Variants in DENND2D observed in about 807,000 individuals in gnomAD.
DENND2D encodes the protein DENN domain containing 2D.
A neutral mutation model predicts 59.8 loss-of-function variants in DENND2D; 37 were observed. The ratio of observed to expected loss-of-function variants is 0.62; its 90% CI spans 0.48 to 0.81. The LOEUF is 0.81. Ranked by LOEUF, DENND2D falls within the 40% of genes least tolerant of loss-of-function variation. The pLI is 0.00. For synonymous variants in DENND2D, 219 were observed against 211.3 expected (o/e 1.04, Z -0.31); for missense variants, 525 against 579.7 (o/e 0.91, Z 0.97).
Position 111,197,334 on chromosome 1 carries a change from C to T in DENND2D, c.427-81G>A, listed in dbSNP as rs1658339045. The stretch of plus-strand genomic sequence containing the variant: ...CAACTGGGTATGAAGGAGCACAAGG[C>T]TGAGGGCTGGGGAGGGGGATTTATG... On this transcript the variant is annotated intron_variant, in intron 4 of 11. Coordinates refer to ENST00000357640, the MANE Select transcript of DENND2D (RefSeq NM_024901.5). 1.6e-5 allele frequency: 24 copies of T among 1,548,356 alleles called. No individual in the cohort carries two copies. In the South Asian group the frequency reaches 2.2e-4, roughly 14 times the overall value.
Position 111,188,368 on chromosome 1 carries a change from C to A in DENND2D, c.1102G>T (p.Ala368Ser), listed in dbSNP as rs1214200821. 1 of 1,613,250 alleles carries A rather than the reference C, an allele frequency of 6.2e-7. No homozygotes were observed. The highest frequency in any genetic ancestry group is 8.5e-7 in the Non-Finnish European group (1 of 1,179,740). Residue 368 changes from alanine to serine, a missense_variant and splice_region_variant, in exon 11 of 12, where the codon GCA becomes TCA. By Grantham distance (99) the Ala-to-Ser change is moderately conservative (BLOSUM62 1). Coordinates refer to ENST00000357640, the MANE Select transcript of DENND2D (RefSeq NM_024901.5). Reference sequence around the variant, plus strand: ...GAAACATGCTCGTTGATTTGTTCTGCAGCTGCAGGAGATATAAAGGCCATC... The same window carrying A: ...GAAACATGCTCGTTGATTTGTTCTGAAGCTGCAGGAGATATAAAGGCCATC... ...LGQGINELKTAEQINEHVSGP... is the reference protein window; with the variant it reads ...LGQGINELKTSEQINEHVSGP...
In DENND2D at chr1:111,194,685, A is replaced by G. The variant is rs747638668; in HGVS notation, c.687T>C (p.His229=). The part of the protein sequence containing the change: ...LTRPLDSHLE[H]VDFSSLLHCL... ...AGTGCAATAGAGAACTAAAATCCAC[A>G]TGTTCTAGGTGGGAGTCCAGGGGCC... The change falls in exon 7 of 12, where the codon CAT becomes CAC. Residue 229 remains histidine, a synonymous_variant. Transcript: ENST00000357640. The G allele has an allele frequency of 5.6e-6, 9 of 1,613,766 alleles. No homozygotes were observed. The Admixed American group carries it at 1.5e-4, about 27-fold the overall frequency.
intron 4 of DENND2D, 160 bp from the exon 5 acceptor site, chr1:111,197,413 A>G (rs1658347089): frequency 4.1e-6 from 6 of 1,454,328 alleles, no homozygotes; most frequent in Admixed American, 5.0e-5. Flanking sequence ...TCAAAAGAAG[A>G]AATCCTTGAG....
intron 4 of DENND2D, chr1:111,197,538 A>G (rs1465318632): frequency 7.2e-7 from 1 of 1,380,996 alleles, no homozygotes; most frequent in East Asian, 2.7e-5. Flanking sequence ...TAAGGAGGAA[A>G]GCACTGTAAA....
intron 1 of DENND2D, 127 bp from the exon 2 acceptor site, chr1:111,199,925 G>T: frequency 8.2e-7 from 1 of 1,216,432 alleles, no homozygotes; most frequent in Non-Finnish European, 1.1e-6. Flanking sequence ...CTGGATACTG[G>T]CCAGAACCAC....
upstream of DENND2D, chr1:111,200,993 A>G (rs1327994671): frequency 6.2e-6 from 1 of 160,152 alleles, no homozygotes; most frequent in Admixed American, 5.8e-5. Flanking sequence ...GGTCAACGGA[A>G]GTCAAAAACC....
chr1:111,201,086 A>T (rs1571204161), upstream of DENND2D: 1 of 155,588 alleles, frequency 6.4e-6, no homozygotes, highest in Middle Eastern at 3.4e-3. Flanking sequence ...TGCAGCCAGG[A>T]TGTCACTGCC....
chr1:111,193,684 G>T (rs1437992814), intron 7 of DENND2D, among the ~76,000 whole-genome samples: 1 of 152,052 alleles, frequency 6.6e-6, no homozygotes, highest in Non-Finnish European at 1.5e-5. Flanking sequence ...ATAAAAGCAG[G>T]GTTGTCAACC....
chr1:111,202,943 C>A (rs1225346268), upstream of DENND2D, among the ~76,000 whole-genome samples: 1 of 152,174 alleles, frequency 6.6e-6, no homozygotes, highest in Non-Finnish European at 1.5e-5. Flanking sequence ...GTGGGAACAA[C>A]TGGAATGTCT....
At chr1:111,191,724 A>T (rs1388553272) in intron 8 of DENND2D, among the ~76,000 whole-genome samples, 1 of 152,206 alleles carries the variant, frequency 6.6e-6, no homozygotes, top group East Asian at 1.9e-4. Flanking sequence ...AATTCCAAGG[A>T]ATTCAAATAC....
chr1:111,189,681 C>A (rs2764553), intron 8 of DENND2D, among the ~76,000 whole-genome samples: 27,893 of 152,134 alleles, frequency 0.18, 2,729 homozygotes, highest in Middle Eastern at 0.23. Flanking sequence ...AGGAAACAGA[C>A]CCAAAGAAGC....
chr1:111,188,575 C>A (rs1387153038), intron 10 of DENND2D, 127 bp downstream of exon 10: 9 of 1,175,216 alleles, frequency 7.7e-6, no homozygotes, highest in African/African-American at 4.6e-5. Flanking sequence ...CAGACTTGCC[C>A]TAGGTTCTAG....
chr1:111,192,086 C>G (rs952402704), intron 8 of DENND2D, 54 bp downstream of exon 8: 24 of 1,456,266 alleles, frequency 1.6e-5, no homozygotes, highest in Non-Finnish European at 2.2e-5. Flanking sequence ...GAGCTGGGAT[C>G]TGAATCCCAC....
Position 111,186,421 on chromosome 1 carries a change from G to A in DENND2D, c.*1184C>T, listed in dbSNP as rs760485803. On this transcript the variant is annotated 3_prime_UTR_variant, in exon 12 of 12. Coordinates refer to ENST00000357640, the MANE Select transcript of DENND2D (RefSeq NM_024901.5). ...TGCACTCCCAAAAGCAAATTACATTGGCTTGAACTTCAGTATGCCCGGTTC... is the reference window on the plus strand; with the variant it reads ...TGCACTCCCAAAAGCAAATTACATTAGCTTGAACTTCAGTATGCCCGGTTC... Among the ~76,000 whole-genome samples, 3 of 152,102 alleles carry A rather than the reference G, an allele frequency of 2.0e-5. No individual in the cohort carries two copies. Among genetic ancestry groups the A allele is most frequent in the Non-Finnish European group, 4.4e-5 (3 of 68,024 alleles).
At chr1:111,200,664 C>G, upstream of DENND2D, 1 of 1,344,382 alleles carries the variant, frequency 7.4e-7, no homozygotes, top group Non-Finnish European at 9.7e-7. Context: ...CCCAGGAAGG[C>G]AGCAGAAGCC....
intron 6 of DENND2D, chr1:111,195,393 G>A (rs1318929578): frequency 1.3e-5 from 2 of 155,936 alleles, no homozygotes; most frequent in African/African-American, 4.8e-5. Context: ...AGGTTCAAAG[G>A]GGCACACAGA....
intron 5 of DENND2D, chr1:111,196,851 G>A (rs1658276479): frequency 3.3e-6 from 1 of 305,554 alleles, no homozygotes; most frequent in South Asian, 4.5e-5. Flanking sequence ...GAGATAGGAA[G>A]GTGAGATTAT....
intron 8 of DENND2D, 101 bp from the exon 9 acceptor site, chr1:111,189,354 A>G (rs1657518036): frequency 8.1e-7 from 1 of 1,235,462 alleles, no homozygotes; most frequent in Non-Finnish European, 1.2e-6. Context: ...CTTTCAGCCC[A>G]GGTAGCAACA....
chr1:111,187,521 C>G lies in DENND2D; in HGVS notation c.*84G>C, dbSNP rs1274821009. On this transcript the variant is annotated 3_prime_UTR_variant, in exon 12 of 12. Coordinates refer to ENST00000357640, the MANE Select transcript of DENND2D (RefSeq NM_024901.5). ...TGAGGATATGGATTTTGGGAGCTGA[C>G]AGTTTTGCTGATCCTGCCACACTGG... is the stretch of plus-strand genomic sequence containing the variant. 2.6e-6 allele frequency: 3 copies of G among 1,155,956 alleles called. No individual in the cohort carries two copies. The Admixed American group carries it at 5.6e-5, about 22-fold the overall frequency. The allele number at this position is 1,155,956 out of a possible 1,614,324, so 71.6% of individuals were successfully genotyped here.
Sources: gnomAD v4.1 joint callset for allele counts (sites outside exome capture counted in the v4.1 genomes callset) on GRCh38, gnomAD v4.1.1 for gene constraint, MANE v1.5 for transcripts, NCBI Gene and HGNC (gene_info 2026-07-23, HGNC 2026-07-21) for gene names.